The following ZC2HC1C variants were observed in gnomAD, a reference collection of about 807,000 sequenced individuals.
The protein encoded by ZC2HC1C is zinc finger C2HC-type containing 1C.
ZC2HC1C carries 25 observed loss-of-function variants against 39.2 expected under a neutral mutation model. The observed-to-expected ratio is 0.64, with a 90% CI of 0.47 to 0.89. ZC2HC1C has a LOEUF of 0.89. Among genes scored for constraint, ZC2HC1C ranks in the 40% least tolerant of loss-of-function variants. ZC2HC1C has a pLI of 0.00. For synonymous variants in ZC2HC1C, 209 were observed against 214.4 expected, an observed-to-expected ratio of 0.97 and a Z score of 0.22; for missense variants, 519 against 548.6, an observed-to-expected ratio of 0.95 and a Z score of 0.54.
At chr14:75,073,838 TCA>T (rs1893538374) in intron 2 of ZC2HC1C, among the ~76,000 whole-genome samples, 1 of 152,314 alleles carries the variant, frequency 6.6e-6, no homozygotes, top group East Asian at 1.9e-4. Context: ...CTAAAGGATC[TCA>T]TATACTTGAG....
In ZC2HC1C at chr14:75,070,819, C is replaced by A; in HGVS notation, c.246C>A (p.Ser82Arg). 1 of 1,614,220 alleles carries A rather than the reference C, an allele frequency of 6.2e-7. No individual in the cohort carries two copies. The highest frequency in any genetic ancestry group is 8.5e-7 in the Non-Finnish European group (1 of 1,180,046). ...GGAACACCCAAACAAAAGCCCGGAG[C>A]TACTCCTATCCCCACTGTACTGGAA... The part of the protein sequence containing the change: ...PKWNTQTKAR[S>R]YSYPHCTGIS... Residue 82 changes from serine to arginine, a missense_variant, in exon 2 of 3, where the codon AGC (serine) becomes AGA (arginine). By Grantham distance (110) the Ser-to-Arg change is moderately radical. Coordinates refer to ENST00000524913, the MANE Select transcript of ZC2HC1C (RefSeq NM_024643.4).
chr14:75,071,795 A>G lies in ZC2HC1C; in HGVS notation c.1222A>G (p.Asn408Asp). 1.2e-6 allele frequency: 2 copies of G among 1,614,198 alleles called. No individual in the cohort carries two copies. The highest frequency in any genetic ancestry group is 1.7e-6 in the Non-Finnish European group (2 of 1,180,028). The change falls in exon 2 of 3, where the codon AAC becomes GAC. Residue 408 changes from asparagine (N) to aspartate (D), a missense_variant. By Grantham distance (23) the Asn-to-Asp change is conservative (BLOSUM62 1). Coordinates refer to ENST00000524913, the MANE Select transcript of ZC2HC1C (RefSeq NM_024643.4). ...FLSFRLERHS[N>D]ICSRMRGSKR... ...CTCGTTCAGGCTGGAGAGACACTCC[A>G]ACATCTGCAGCAGGATGCGGGGTTC... is the stretch of plus-strand genomic sequence containing the variant.
At position 75,077,708 on chromosome 14, in the gene ZC2HC1C, C is replaced by T. The variant is rs992775478; in HGVS notation, c.*144C>T. The T allele has an allele frequency of 5.2e-6, 5 of 963,998 alleles. No individual in the cohort carries two copies. The African/African-American group carries it at 8.1e-5, about 16-fold the overall frequency. 59.7% of individuals were successfully genotyped at this position (963,998 alleles called of 1,614,324 possible). ...TTCAGTGTCCTCAGTGTAGCCACCA[C>T]TTTGCTCCCAAGGTGGCTGAGCAAC... On this transcript the variant is annotated 3_prime_UTR_variant, in exon 3 of 3. Coordinates refer to ENST00000524913, the MANE Select transcript of ZC2HC1C (RefSeq NM_024643.4).
Position 75,077,521 on chromosome 14 carries a change from T to G in ZC2HC1C, c.1339-11T>G. ...CCAACTTGAATGATCAGTCTCCCTT[T>G]TACATTACAGGCTGAACCTCCTCAG... On this transcript the variant is annotated splice_polypyrimidine_tract_variant and intron_variant, in intron 2 of 2. Coordinates refer to ENST00000524913, the MANE Select transcript of ZC2HC1C (RefSeq NM_024643.4). The G allele has an allele frequency of 6.2e-7, 1 of 1,614,206 alleles. No individual in the cohort carries two copies. The highest frequency in any genetic ancestry group is 8.5e-7 in the Non-Finnish European group (1 of 1,180,036).
chr14:75,070,499 C>G, intron 1 of ZC2HC1C, 56 bp from the exon 2 acceptor site: 1 of 1,522,112 alleles, frequency 6.6e-7, no homozygotes, highest in Non-Finnish European at 8.8e-7. Flanking sequence ...GCTTTAGCAG[C>G]CGAGAGTGAA....
intron 2 of ZC2HC1C, among the ~76,000 whole-genome samples, chr14:75,074,755 T>A (rs1893589649): frequency 6.6e-6 from 1 of 152,004 alleles, no homozygotes; most frequent in African/African-American, 2.4e-5. Flanking sequence ...TATTTTTAGT[T>A]AAGACAGGGT....
intron 2 of ZC2HC1C, 100 bp downstream of exon 2, chr14:75,072,011 G>C: frequency 2.0e-6 from 3 of 1,466,884 alleles, no homozygotes; most frequent in Non-Finnish European, 1.8e-6. Context: ...GTGTCATGTA[G>C]GAAGAATTGA....
At position 75,077,549 on chromosome 14, in the gene ZC2HC1C, G is replaced by A; in HGVS notation, c.1356G>A (p.Lys452=). 6.2e-7 allele frequency: 1 copy of A among 1,614,204 alleles called. No individual in the cohort carries two copies. Among genetic ancestry groups the A allele is most frequent in the South Asian group, 1.1e-5 (1 of 91,078 alleles). Residue 452 remains lysine, a synonymous_variant, in exon 3 of 3, where the codon AAG becomes AAA. Transcript: ENST00000524913. The part of the protein sequence containing the change: ...PASAKAEPPQ[K]SNWR ...CATTACAGGCTGAACCTCCTCAGAAGAGCAACTGGAGATAGAAGCATGAAT... is the reference window on the plus strand; with the variant it reads ...CATTACAGGCTGAACCTCCTCAGAAAAGCAACTGGAGATAGAAGCATGAAT...
In ZC2HC1C at chr14:75,071,426, A is replaced by G; in HGVS notation, c.853A>G (p.Ile285Val). ...TAAAAGCAACACCATGTACAAACCTATCTTCTCCCCAGAATTTGAGTTTGA... is the reference window on the plus strand; with the variant it reads ...TAAAAGCAACACCATGTACAAACCTGTCTTCTCCCCAGAATTTGAGTTTGA... ...GNKSNTMYKP[I>V]FSPEFEFEEE... The change falls in exon 2 of 3, where the codon ATC becomes GTC. Residue 285 changes from isoleucine (I) to valine (V), a missense_variant. Ile to Val is a conservative substitution (Grantham distance 29). Coordinates refer to ENST00000524913, the MANE Select transcript of ZC2HC1C (RefSeq NM_024643.4). 1 of 1,614,208 alleles carries G rather than the reference A, an allele frequency of 6.2e-7. No homozygotes were observed. Among genetic ancestry groups the G allele is most frequent in the East Asian group, 2.2e-5 (1 of 44,880 alleles).
At position 75,071,663 on chromosome 14, in the gene ZC2HC1C, T is replaced by A. The variant is rs73309766; in HGVS notation, c.1090T>A (p.Ser364Thr). ...SETPVGALQG[S>T]ARNSSLSMAP... ...AACACCAGTCGGTGCTTTGCAGGGA[T>A]CCGCCAGAAATTCCAGCCTGTCCAT... The change falls in exon 2 of 3, where the codon TCC becomes ACC. Residue 364 changes from serine to threonine, a missense_variant. Ser to Thr is a moderately conservative substitution (Grantham distance 58). Coordinates refer to ENST00000524913, the MANE Select transcript of ZC2HC1C (RefSeq NM_024643.4). The A allele has an allele frequency of 3.2e-3, 5,231 of 1,614,160 alleles. 168 individuals are homozygous for A. The African/African-American group carries it at 0.064, about 20-fold the overall frequency.
In ZC2HC1C at chr14:75,077,516, C is replaced by T. The variant is rs1413938073; in HGVS notation, c.1339-16C>T. 3.1e-6 allele frequency: 5 copies of T among 1,614,056 alleles called. No homozygotes were observed. Among genetic ancestry groups the T allele is most frequent in the South Asian group, 2.2e-5 (2 of 91,078 alleles). ...AGGTGCCAACTTGAATGATCAGTCT[C>T]CCTTTTACATTACAGGCTGAACCTC... is the stretch of plus-strand genomic sequence containing the variant. On this transcript the variant is annotated splice_polypyrimidine_tract_variant and intron_variant, in intron 2 of 2. Transcript: ENST00000524913.
At chr14:75,075,152 T>C (rs1893610971) in intron 2 of ZC2HC1C, among the ~76,000 whole-genome samples, 1 of 152,240 alleles carries the variant, frequency 6.6e-6, no homozygotes, top group African/African-American at 2.4e-5. Context: ...ATCCATCTGA[T>C]ATCAGACATC....
intron 2 of ZC2HC1C, 62 bp downstream of exon 2, chr14:75,071,973 T>C: frequency 6.6e-7 from 1 of 1,505,986 alleles, no homozygotes; most frequent in Non-Finnish European, 8.9e-7. Flanking sequence ...TGTTTTGTCA[T>C]CATCAGTTTT....
In ZC2HC1C at chr14:75,071,104, C is replaced by A; in HGVS notation, c.531C>A (p.Asn177Lys). ...AGCCGAGAGAGTTTTCATCTAGGAA[C>A]TTTGGTGTGAGGAACCAGGGCAACT... The part of the protein sequence containing the change: ...PPEPREFSSR[N>K]FGVRNQGNFS... Residue 177 changes from asparagine (N) to lysine (K), a missense_variant, in exon 2 of 3, where the codon AAC (asparagine) becomes AAA (lysine). Asn to Lys is a moderately conservative substitution (Grantham distance 94, BLOSUM62 0). Coordinates refer to ENST00000524913, the MANE Select transcript of ZC2HC1C (RefSeq NM_024643.4). The A allele has an allele frequency of 6.2e-7, 1 of 1,614,166 alleles. No individual in the cohort carries two copies. Among genetic ancestry groups the A allele is most frequent in the African/African-American group, 1.3e-5 (1 of 75,034 alleles).
chr14:75,070,469 G>A (rs907864631), intron 1 of ZC2HC1C, 86 bp from the exon 2 acceptor site: 29 of 1,462,068 alleles, frequency 2.0e-5, no homozygotes, highest in Non-Finnish European at 2.6e-5. Flanking sequence ...ATGTGGGCAG[G>A]GCAAATGTAG....
rs1893753762 is a variant in ZC2HC1C at position 75,077,895 on chromosome 14, A to G, written c.*331A>G. 1 of 286,400 alleles carries G rather than the reference A, an allele frequency of 3.5e-6. No homozygotes were observed. The highest frequency in any genetic ancestry group is 4.8e-5 in the Admixed American group (1 of 20,746). The allele number at this position is 286,400 out of a possible 1,614,324, so 17.7% of individuals were successfully genotyped here. ...GATGCAAAGCAGAAAGAAATCAAAC[A>G]GCTCCCAGATCTGCCTGCAGAGCTA... On this transcript the variant is annotated 3_prime_UTR_variant, in exon 3 of 3. Transcript: ENST00000524913.
chr14:75,074,812 T>A (rs1566630085), intron 2 of ZC2HC1C, among the ~76,000 whole-genome samples: 2 of 152,210 alleles, frequency 1.3e-5, no homozygotes, highest in Admixed American at 6.5e-5. Flanking sequence ...CCTCAAGTCA[T>A]CTGCCCACCT....
intron 2 of ZC2HC1C, chr14:75,073,566 C>G (rs1466605758): frequency 1.2e-5 from 15 of 1,289,170 alleles, no homozygotes; most frequent in Non-Finnish European, 1.5e-5. Context: ...AATCTTATTC[C>G]ACAGTGCTGT....
At chr14:75,076,790 CTT>C (rs1246918005) in intron 2 of ZC2HC1C, among the ~76,000 whole-genome samples, 1 of 151,996 alleles carries the variant, frequency 6.6e-6, no homozygotes, top group Non-Finnish European at 1.5e-5. Context: ...CTTTTTGGCT[CTT>C]TTTCTTGTTA....
Sources: allele counts gnomAD v4.1 joint callset (sites outside exome capture counted in the v4.1 genomes callset), GRCh38; gene constraint gnomAD v4.1.1; transcripts MANE v1.5; gene names NCBI Gene and HGNC (gene_info 2026-07-23, HGNC 2026-07-21).